Variants in PVT1 observed in about 807,000 individuals in gnomAD.
The protein encoded by PVT1 is CXCR4/PVT1 fusion.
intron 2 of PVT1, among the ~76,000 whole-genome samples, chr8:127,809,544 T>A (rs1814568559): frequency 6.6e-6 from 1 of 152,072 alleles, no homozygotes; most frequent in Non-Finnish European, 1.5e-5. Context: ...TGATGTGCCT[T>A]TGCCAGAGAG....
At chr8:127,953,056 G>C (rs749678139) in intron 3 of PVT1, among the ~76,000 whole-genome samples, 1 of 152,200 alleles carries the variant, frequency 6.6e-6, no homozygotes, top group Admixed American at 6.5e-5. Flanking sequence ...GAGCCACCGC[G>C]TCCGGCCCGT....
intron 5 of PVT1, among the ~76,000 whole-genome samples, chr8:128,076,566 C>T (rs545272593): frequency 6.6e-6 from 1 of 152,058 alleles, no homozygotes; most frequent in South Asian, 2.1e-4. Context: ...GGTTGTGGAC[C>T]CCTGAATTCT....
intron 5 of PVT1, among the ~76,000 whole-genome samples, chr8:128,086,252 G>T (rs1485941542): frequency 6.6e-6 from 1 of 152,148 alleles, no homozygotes; most frequent in Non-Finnish European, 1.5e-5. Flanking sequence ...GGCAGAGGGG[G>T]GTCTAGGCAG....
At chr8:127,987,564 A>G (rs1391163497) in intron 3 of PVT1, among the ~76,000 whole-genome samples, 1 of 152,214 alleles carries the variant, frequency 6.6e-6, no homozygotes, top group Non-Finnish European at 1.5e-5. Context: ...ATGGGCTTAT[A>G]ATATCCAGAG....
At chr8:128,076,908 A>C (rs1213325417) in intron 5 of PVT1, among the ~76,000 whole-genome samples, 2 of 152,196 alleles carry the variant, frequency 1.3e-5, no homozygotes, top group African/African-American at 4.8e-5. Flanking sequence ...GGCCCAGAGA[A>C]GGTGCTGAGC....
chr8:128,078,560 G>A (rs1396425374), intron 5 of PVT1, among the ~76,000 whole-genome samples: 1 of 152,186 alleles, frequency 6.6e-6, no homozygotes, highest in East Asian at 1.9e-4. Flanking sequence ...TGGAGGAGGT[G>A]GAGGTGGTGT....
At chr8:127,896,540 T>C (rs896422037) in intron 3 of PVT1, among the ~76,000 whole-genome samples, 1 of 152,252 alleles carries the variant, frequency 6.6e-6, no homozygotes, top group African/African-American at 2.4e-5. Flanking sequence ...TCTGCTGTTT[T>C]ATACCTGCTG....
At chr8:127,975,465 C>A (rs532418195) in intron 3 of PVT1, among the ~76,000 whole-genome samples, 1 of 152,308 alleles carries the variant, frequency 6.6e-6, no homozygotes, top group South Asian at 2.1e-4. Context: ...ATTGGCTGCT[C>A]CTCCAGCCAA....
chr8:127,850,534 A>G (rs1432197087), intron 2 of PVT1, among the ~76,000 whole-genome samples: 2 of 152,208 alleles, frequency 1.3e-5, no homozygotes, highest in African/African-American at 4.8e-5. Context: ...AGTAAGACAC[A>G]GTGATGGTGT....
chr8:127,814,978 T>G (rs973273233), intron 2 of PVT1, among the ~76,000 whole-genome samples: 5 of 152,204 alleles, frequency 3.3e-5, no homozygotes, highest in African/African-American at 1.2e-4. Context: ...ATTTTTTATT[T>G]TTTTTTGAGA....
intron 3 of PVT1, among the ~76,000 whole-genome samples, chr8:127,955,589 C>A (rs1224775669): frequency 1.3e-5 from 2 of 148,738 alleles, no homozygotes; most frequent in Non-Finnish European, 3.0e-5. Flanking sequence ...CCCTCCCCTG[C>A]CCTCCCCTCC....
intron 2 of PVT1, among the ~76,000 whole-genome samples, chr8:127,878,910 G>A (rs1815434086): frequency 6.6e-6 from 1 of 152,190 alleles, no homozygotes; most frequent in Non-Finnish European, 1.5e-5. Flanking sequence ...CACTCCCTGA[G>A]CCTAGGGGGA....
chr8:127,919,701 C>T (rs187768465), intron 3 of PVT1, among the ~76,000 whole-genome samples: 12 of 152,212 alleles, frequency 7.9e-5, no homozygotes, highest in African/African-American at 1.4e-4. Flanking sequence ...TCCCTACCTT[C>T]GTTTTCTGGC....
chr8:127,923,045 C>T (rs554427748), intron 3 of PVT1, among the ~76,000 whole-genome samples: 5 of 152,268 alleles, frequency 3.3e-5, no homozygotes, highest in Non-Finnish European at 5.9e-5. Flanking sequence ...CTGTATATCT[C>T]GTTTGTATCA....
At chr8:127,963,948 A>C (rs80153864) in intron 3 of PVT1, among the ~76,000 whole-genome samples, 3,343 of 152,306 alleles carry the variant, frequency 0.022, 47 homozygotes, top group Middle Eastern at 0.054. Flanking sequence ...AGGATCGTTT[A>C]TTCGTCCAGT....
At chr8:128,087,010 A>G (rs2542407) in intron 5 of PVT1, among the ~76,000 whole-genome samples, 36,577 of 152,198 alleles carry the variant, frequency 0.24, 6,234 homozygotes, top group African/African-American at 0.48. Flanking sequence ...CAGAATTGTC[A>G]TAATGCAGCG....
chr8:127,975,829 A>G (rs2129971254), intron 3 of PVT1, among the ~76,000 whole-genome samples: 1 of 152,260 alleles, frequency 6.6e-6, no homozygotes, highest in Admixed American at 6.5e-5. Flanking sequence ...CTGTGTGTTC[A>G]TGTTGTCTCT....
At chr8:127,984,994 T>C (rs11787177) in intron 3 of PVT1, among the ~76,000 whole-genome samples, 15,486 of 66,904 alleles carry the variant, frequency 0.23, 2,913 homozygotes, top group Admixed American at 0.43. Context: ...TTTCTTTCTC[T>C]TTCCTTCCTT....
intron 2 of PVT1, among the ~76,000 whole-genome samples, chr8:127,804,749 G>T (rs1814507330): frequency 6.7e-6 from 1 of 149,678 alleles, no homozygotes. Context: ...AGTTCAGACA[G>T]GGTTTCACCA....
Sources: gnomAD v4.1 joint callset for allele counts (sites outside exome capture counted in the v4.1 genomes callset) on GRCh38, gnomAD v4.1.1 for gene constraint, MANE v1.5 for transcripts, NCBI Gene and HGNC (gene_info 2026-07-23, HGNC 2026-07-21) for gene names.